ACOT9: variants seen among roughly 807,000 people sequenced by gnomAD.
ACOT9 encodes the protein acyl-coenzyme A thioesterase 9, mitochondrial.
A neutral mutation model predicts 39.7 loss-of-function variants in ACOT9; 34 were observed. The observed-to-expected ratio is 0.86, with a 90% CI of 0.65 to 1.14. The LOEUF (loss-of-function observed/expected upper bound fraction) is 1.14. Ranked by LOEUF, ACOT9 falls within the 50% of genes most tolerant of loss-of-function variation. ACOT9 has a pLI of 0.00. For missense variants in ACOT9, 313 were observed against 344.1 expected, an observed-to-expected ratio of 0.91 and a Z score of 0.71; for synonymous variants, 110 against 120.5, an observed-to-expected ratio of 0.91 and a Z score of 0.57.
At chrX:23,716,831 C>T (rs1374659174) in intron 8 of ACOT9, among the ~76,000 whole-genome samples, 2 of 110,108 alleles carry the variant, frequency 1.8e-5, no homozygotes, top group Middle Eastern at 4.7e-3. Context: ...GGATCACAGG[C>T]GCACGCCACC....
chrX:23,738,717 C>T (rs770152244), intron 1 of ACOT9, among the ~76,000 whole-genome samples: 1 of 111,704 alleles, frequency 9.0e-6, no homozygotes, highest in East Asian at 2.8e-4. Flanking sequence ...AAAATCATGA[C>T]CCCCAACACA....
chrX:23,736,225 C>A (rs1929946790), intron 1 of ACOT9, among the ~76,000 whole-genome samples: 1 of 111,970 alleles, frequency 8.9e-6, no homozygotes, highest in African/African-American at 3.2e-5. Context: ...TTCTTGAGAG[C>A]AGAGACCAAT....
Position 23,722,736 on chromosome X carries a change from G to A in ACOT9, c.418C>T (p.His140Tyr). 1 of 1,195,907 alleles carries A rather than the reference G, an allele frequency of 8.4e-7. No individual in the cohort carries two copies. The highest frequency in any genetic ancestry group is 1.1e-6 in the Non-Finnish European group (1 of 883,336). ...ATCTTGGCGGAGTGGATTTTGTTGT[G>A]CATGTAACAAATAAGAACTGCAGGG... is the stretch of plus-strand genomic sequence containing the variant. ...DSLGVLICYM[H>Y]NKIHSAKMSP... is the part of the protein sequence containing the mutation. The change falls in exon 7 of 16, where the codon CAC becomes TAC. Residue 140 changes from histidine to tyrosine, a missense_variant. Coordinates refer to ENST00000379303, the MANE Select transcript of ACOT9 (RefSeq NM_001037171.2).
intron 10 of ACOT9, 188 bp from the exon 11 acceptor site, chrX:23,706,927 G>A: frequency 2.7e-6 from 1 of 369,731 alleles, no homozygotes; most frequent in Non-Finnish European, 4.7e-6. Context: ...TTCAGTGTGA[G>A]ATCACTTGAT....
At chrX:23,723,366 A>C (rs1929386546) in intron 6 of ACOT9, among the ~76,000 whole-genome samples, 1 of 111,387 alleles carries the variant, frequency 9.0e-6, no homozygotes, top group Admixed American at 9.6e-5. Context: ...CTGTAATCCC[A>C]GCACTTTGGG....
intron 8 of ACOT9, among the ~76,000 whole-genome samples, chrX:23,713,945 G>T (rs764023971): frequency 9.0e-6 from 1 of 111,245 alleles, no homozygotes; most frequent in African/African-American, 3.3e-5. Flanking sequence ...AGCTGAGGCA[G>T]GAGGATCCCT....
At position 23,730,525 on chromosome X, in the gene ACOT9, A is replaced by G. The variant is rs746954701; in HGVS notation, c.400+2T>C. On this transcript the variant is annotated splice_donor_variant, in intron 6 of 15. Transcript: ENST00000379303. LOFTEE classifies it high-confidence loss of function. ...TTAGAAAGACTAAAATAATACCAGT[A>G]CCTCCCAAGCTGTCAAGATCCTCAA... The G allele has an allele frequency of 8.3e-7, 1 of 1,199,456 alleles. No homozygotes were observed. Among genetic ancestry groups the G allele is most frequent in the South Asian group, 1.8e-5 (1 of 56,398 alleles).
chrX:23,722,080 T>G, intron 7 of ACOT9, 96 bp from the exon 8 acceptor site: 1 of 497,160 alleles, frequency 2.0e-6, no homozygotes, highest in Non-Finnish European at 3.1e-6. Flanking sequence ...TCCACTACAT[T>G]TCTTTTTTGT....
intron 8 of ACOT9, among the ~76,000 whole-genome samples, chrX:23,717,391 T>C (rs1055415509): frequency 1.8e-5 from 2 of 111,722 alleles, no homozygotes; most frequent in South Asian, 3.7e-4. Flanking sequence ...GGAAGACTTA[T>C]GTGGTAAAAA....
intron 4 of ACOT9, among the ~76,000 whole-genome samples, chrX:23,731,294 G>A (rs1013165829): frequency 3.6e-5 from 4 of 111,182 alleles, no homozygotes; most frequent in Non-Finnish European, 7.5e-5. Context: ...TGGCCAACAT[G>A]GCAAAACTCC....
At chrX:23,705,437 C>T (rs580192) in intron 13 of ACOT9, 72 bp downstream of exon 13, 291,415 of 875,628 alleles carry the variant, frequency 0.33, 35,163 homozygotes, top group Admixed American at 0.52. Context: ...CAGACTGGTC[C>T]GAAATGTTTC....
chrX:23,730,876 A>C lies in ACOT9; in HGVS notation c.302T>G (p.Leu101Trp). 1.7e-6 allele frequency: 2 copies of C among 1,210,139 alleles called. No individual in the cohort carries two copies. Among genetic ancestry groups the C allele is most frequent in the Non-Finnish European group, 1.1e-6 (1 of 894,793 alleles). ...TAATTCAGGCTCACTGCCCAAAGGCAAGAGAACTTCAATATAACTGTCCTT... is the reference window on the plus strand; with the variant it reads ...TAATTCAGGCTCACTGCCCAAAGGCCAGAGAACTTCAATATAACTGTCCTT... ...RMKDSYIEVL[L>W]PLGSEPELRE... The change falls in exon 5 of 16, where the codon TTG (leucine) becomes TGG (tryptophan). Residue 101 changes from leucine (L) to tryptophan (W), a missense_variant. Transcript: ENST00000379303.
At chrX:23,737,515 A>G (rs752487173) in intron 1 of ACOT9, among the ~76,000 whole-genome samples, 43 of 112,340 alleles carry the variant, frequency 3.8e-4, no homozygotes, top group Non-Finnish European at 7.5e-4. Context: ...CAGCATTCAG[A>G]GAAAGCCTCT....
At chrX:23,719,646 C>T (rs896882863) in intron 8 of ACOT9, among the ~76,000 whole-genome samples, 11 of 110,908 alleles carry the variant, frequency 9.9e-5, no homozygotes, top group African/African-American at 3.6e-4. Flanking sequence ...AGTGTGCAAC[C>T]TAGATCCCTC....
intron 8 of ACOT9, among the ~76,000 whole-genome samples, chrX:23,713,532 T>C (rs1928973824): frequency 3.0e-5 from 3 of 100,505 alleles, no homozygotes. Flanking sequence ...TGAGCCGAGA[T>C]TGCAGGCCCC....
In ACOT9 at chrX:23,727,837, A is replaced by G. The variant is rs182492546; in HGVS notation, c.400+2690T>C. 1.6e-3 allele frequency among the ~76,000 whole-genome samples: 171 copies of G among 107,969 alleles called. 6 individuals are homozygous for G. In the East Asian group the frequency reaches 0.04, roughly 25 times the overall value. 93.8% of individuals were successfully genotyped at this position (107,969 alleles called of 115,157 possible). A position where few individuals can be genotyped will look rare whatever the true frequency, so the allele number is the denominator to read the frequency against. On this transcript the variant is annotated intron_variant, in intron 6 of 15. Coordinates refer to ENST00000379303, the MANE Select transcript of ACOT9 (RefSeq NM_001037171.2). ...AACATGGTGAAACCCCGTCTCTACTAAAAATACAAAAATTAGCCAGATGTG... is the reference window on the plus strand; with the variant it reads ...AACATGGTGAAACCCCGTCTCTACTGAAAATACAAAAATTAGCCAGATGTG...
At chrX:23,708,538 G>GAAAAAAA (rs567506307) in intron 9 of ACOT9, among the ~76,000 whole-genome samples, 16 of 70,784 alleles carry the variant, frequency 2.3e-4, no homozygotes, top group Non-Finnish European at 3.3e-4. Context: ...CTCAAAAAAA[G>GAAAAAAA]AAAAAAAAAA....
Position 23,721,915 on chromosome X carries a change from T to A in ACOT9, c.554A>T (p.Lys185Met). 5.8e-6 allele frequency: 7 copies of A among 1,211,402 alleles called. No homozygotes were observed. The highest frequency in any genetic ancestry group is 6.7e-6 in the Non-Finnish European group (6 of 895,203). ...TTGCATCTTCACTTCCATGGATGTC[T>A]TCCCGACCCAGCTAACATGGCCACT... is the stretch of plus-strand genomic sequence containing the variant. ...KFSGHVSWVG[K>M]TSMEVKMQMF... is the part of the protein sequence containing the mutation. Residue 185 changes from lysine (K) to methionine (M), a missense_variant, in exon 8 of 16, where the codon AAG becomes ATG. Coordinates refer to ENST00000379303, the MANE Select transcript of ACOT9 (RefSeq NM_001037171.2).
chrX:23,717,547 G>A (rs1303847967), intron 8 of ACOT9, among the ~76,000 whole-genome samples: 1 of 111,433 alleles, frequency 9.0e-6, no homozygotes, highest in Non-Finnish European at 1.9e-5. Context: ...GTGAGTTGCT[G>A]TGGGTGATGA....
Sources: gnomAD v4.1 joint callset for allele counts (sites outside exome capture counted in the v4.1 genomes callset) on GRCh38, gnomAD v4.1.1 for gene constraint, MANE v1.5 for transcripts, NCBI Gene and HGNC (gene_info 2026-07-23, HGNC 2026-07-21) for gene names.